Variants in DNAH2 observed in about 807,000 individuals in gnomAD.
DNAH2 encodes dynein axonemal heavy chain 2.
Under a neutral mutation model 523.5 loss-of-function variants are expected in DNAH2, and 323 were observed. The observed-to-expected ratio is 0.62, with a 90% CI of 0.56 to 0.68. The LOEUF (loss-of-function observed/expected upper bound fraction) is 0.68. Among genes scored for constraint, DNAH2 ranks in the 30% least tolerant of loss-of-function variants. The probability of loss-of-function intolerance (pLI) is 0.00; values close to 1 mark genes in which losing one functional copy is unlikely to be tolerated. For synonymous variants in DNAH2, 2,093 were observed against 2,177.4 expected (o/e 0.96, Z 1.08); for missense variants, 4,907 against 5,701.5 (o/e 0.86, Z 4.49).
intron 77 of DNAH2, among the ~76,000 whole-genome samples, chr17:7,827,295 G>A (rs944624224): frequency 1.6e-5 from 2 of 128,008 alleles, no homozygotes; most frequent in East Asian, 8.3e-4. Context: ...CCTTTGTCTT[G>A]TTCAAGAAAT....
chr17:7,779,990 T>G (rs2076559553), intron 36 of DNAH2, among the ~76,000 whole-genome samples, 167 bp from the exon 37 acceptor site: 1 of 152,054 alleles, frequency 6.6e-6, no homozygotes, highest in African/African-American at 2.4e-5. Context: ...CAAAGTGGAC[T>G]GGGAAGGGCT....
intron 12 of DNAH2, among the ~76,000 whole-genome samples, chr17:7,748,635 C>CA (rs1397050890): frequency 2.0e-5 from 3 of 152,196 alleles, no homozygotes; most frequent in African/African-American, 7.2e-5. Flanking sequence ...ACTGGGAACA[C>CA]AGGTGCCTGC....
chr17:7,786,925 G>T lies in DNAH2; in HGVS notation c.6495G>T (p.Leu2165=), dbSNP rs1177312033. 6.2e-7 allele frequency: 1 copy of T among 1,614,144 alleles called. No individual in the cohort carries two copies. The highest frequency in any genetic ancestry group is 8.5e-7 in the Non-Finnish European group (1 of 1,179,998). ...ADEKPDEKWI[L]FDGPVDTLWI... ...AGAAACCCGACGAGAAGTGGATCCT[G>T]TTCGATGGCCCCGTGGACACACTGT... The change falls in exon 42 of 86, where the codon CTG becomes CTT. Residue 2165 remains leucine, a synonymous_variant. Transcript: ENST00000572933. This position sits in a 1 kb window ranked among gnomAD's most constrained non-coding sequence, Gnocchi z 7.5.
Position 7,740,534 on chromosome 17 carries a change from GC to G in DNAH2, c.1492del (p.Ala499ProfsTer28), listed in dbSNP as rs767697119. 8 of 1,613,752 alleles carry G rather than the reference GC, an allele frequency of 5.0e-6. No individual in the cohort carries two copies. The Admixed American group carries it at 6.7e-5, about 13-fold the overall frequency. On this transcript the variant is annotated frameshift_variant, in exon 10 of 86. Transcript: ENST00000572933. LOFTEE classifies it high-confidence loss of function. ...GVLLLDTFHR[L>X]ASREAIKRTY... ...TGCTTCTGCTGGACACCTTCCACAG[GC>G]TTGCCTCCCGCGAGGTGCGGCTGCC...
intron 11 of DNAH2, among the ~76,000 whole-genome samples, chr17:7,741,861 C>T (rs1005513887): frequency 6.6e-6 from 1 of 151,130 alleles, no homozygotes; most frequent in Non-Finnish European, 1.5e-5. Context: ...AGAGGTTTCT[C>T]CATGTTGGTC....
At chr17:7,726,898 T>A (rs766915827) in intron 3 of DNAH2, among the ~76,000 whole-genome samples, 3 of 152,138 alleles carry the variant, frequency 2.0e-5, no homozygotes, top group Non-Finnish European at 4.4e-5. Flanking sequence ...TTTTCCTCTG[T>A]GATCTGTTTG....
intron 60 of DNAH2, 58 bp downstream of exon 60, chr17:7,805,132 TGGGCCA>T: frequency 6.3e-7 from 1 of 1,594,888 alleles, no homozygotes; most frequent in Non-Finnish European, 8.6e-7. Flanking sequence ...GGGAAGGGAA[TGGGCCA>T]GTCTTCTTTG....
chr17:7,769,488 G>T (rs2076259606), intron 24 of DNAH2, among the ~76,000 whole-genome samples: 3 of 152,222 alleles, frequency 2.0e-5, no homozygotes, highest in Admixed American at 6.5e-5. Flanking sequence ...TTATACAAAA[G>T]ATTTTATTTT....
rs979534078 is a variant in DNAH2, at chr17:7,765,939, C to T, written c.3511+374C>T. 7.2e-5 allele frequency among the ~76,000 whole-genome samples: 11 copies of T among 152,012 alleles called. 1 individual carries two copies. Among genetic ancestry groups the T allele is most frequent in the South Asian group, 4.2e-4 (2 of 4,806 alleles). On this transcript the variant is annotated intron_variant, in intron 21 of 85. Coordinates refer to ENST00000572933, the MANE Select transcript of DNAH2 (RefSeq NM_020877.5). ...GACTACAGGCACATGCCACCACACC[C>T]GGCTAATTTTTGTATTTTTAGTACA...
In DNAH2 at chr17:7,805,202, T is replaced by A. The variant is rs188537364; in HGVS notation, c.9301-50T>A. On this transcript the variant is annotated intron_variant, in intron 60 of 85. Transcript: ENST00000572933. ...AAGAGGTGGCACCTCAGCTAGGTTC[T>A]GTCTCCAGAAGGTCCTGTCTTACCC... 1,547 of 1,606,078 alleles carry A rather than the reference T, an allele frequency of 9.6e-4. 2 individuals are homozygous for A. The highest frequency in any genetic ancestry group is 1.4e-3 in the Admixed American group (82 of 59,384).
intron 27 of DNAH2, 54 bp downstream of exon 27, chr17:7,770,987 T>C: frequency 6.3e-7 from 1 of 1,582,000 alleles, no homozygotes; most frequent in Non-Finnish European, 8.6e-7. Flanking sequence ...TCCTTCTTTT[T>C]CTTAAGACCT....
chr17:7,763,735 T>G, intron 18 of DNAH2, 96 bp from the exon 19 acceptor site: 1 of 1,452,540 alleles, frequency 6.9e-7, no homozygotes, highest in Non-Finnish European at 9.5e-7. Context: ...CTGCCCAGGT[T>G]TGGGTGGAAG....
chr17:7,730,670 G>C (rs986767856), intron 4 of DNAH2, among the ~76,000 whole-genome samples: 1 of 152,162 alleles, frequency 6.6e-6, no homozygotes, highest in African/African-American at 2.4e-5. Flanking sequence ...ATTGGGAAAA[G>C]AAAACTGGCC....
chr17:7,721,592 C>T (rs923834485), intron 2 of DNAH2, among the ~76,000 whole-genome samples: 2 of 152,082 alleles, frequency 1.3e-5, no homozygotes, highest in Non-Finnish European at 2.9e-5. Flanking sequence ...TCTTTTCACG[C>T]CTTCCTGCCT....
At chr17:7,737,687 C>A (rs987519288) in intron 8 of DNAH2, among the ~76,000 whole-genome samples, 1 of 152,130 alleles carries the variant, frequency 6.6e-6, no homozygotes, top group Non-Finnish European at 1.5e-5. Context: ...GTGAAAAAGC[C>A]AAAGAGTGGG....
At chr17:7,722,468 A>G (rs143384352) in intron 2 of DNAH2, among the ~76,000 whole-genome samples, 45 of 152,296 alleles carry the variant, frequency 3.0e-4, no homozygotes, top group African/African-American at 1.1e-3. Context: ...AAGCCACTTT[A>G]AGCACCTTGA....
At chr17:7,830,526 C>G (rs761076072) in intron 78 of DNAH2, 35 bp downstream of exon 78, 4 of 1,610,758 alleles carry the variant, frequency 2.5e-6, no homozygotes, top group Middle Eastern at 1.6e-4. Context: ...TCCCAGCCCT[C>G]TCTCCTTACA....
chr17:7,832,775 TGA>T lies in DNAH2; in HGVS notation c.12903+22_12903+23del, dbSNP rs1182866655. 6.2e-7 allele frequency: 1 copy of T among 1,613,982 alleles called. No homozygotes were observed. Among genetic ancestry groups the T allele is most frequent in the Admixed American group, 1.7e-5 (1 of 59,996 alleles). On this transcript the variant is annotated intron_variant, in intron 83 of 85. Transcript: ENST00000572933. The surrounding 1 kb of genome is among the most constrained non-coding windows in gnomAD (Gnocchi z 4.3). ...AACAACGTGAGCAATGTGCAAAGTGTGAGGGGGGGATGTATGCTGGGGCCATG... is the reference window on the plus strand; with the variant it reads ...AACAACGTGAGCAATGTGCAAAGTGTGGGGGGGATGTATGCTGGGGCCATG...
At chr17:7,817,765 C>T (rs1206653545) in intron 66 of DNAH2, 25 bp from the exon 67 acceptor site, 10 of 1,613,988 alleles carry the variant, frequency 6.2e-6, no homozygotes, top group Non-Finnish European at 8.5e-6. Context: ...GAGGGCCTCA[C>T]CTCTGACCTG....
Sources: gnomAD v4.1 joint callset for allele counts (sites outside exome capture counted in the v4.1 genomes callset) on GRCh38, gnomAD v4.1.1 for gene constraint, Gnocchi (gnomAD v3.1) non-coding constraint, MANE v1.5 for transcripts, NCBI Gene and HGNC (gene_info 2026-07-23, HGNC 2026-07-21) for gene names.